Variants in TXNDC5 observed in about 807,000 individuals in gnomAD.
The protein encoded by TXNDC5 is thioredoxin domain-containing protein 5.
Under a neutral mutation model 52.6 loss-of-function variants are expected in TXNDC5, and 44 were observed. That is an observed-to-expected ratio of 0.84 (90% CI 0.66 to 1.08). The LOEUF is 1.08. Among genes scored for constraint, TXNDC5 ranks in the 50% least tolerant of loss-of-function variants. The probability of loss-of-function intolerance (pLI) is 0.00; values close to 1 mark genes in which losing one functional copy is unlikely to be tolerated. For synonymous variants in TXNDC5, 241 were observed against 234.4 expected (o/e 1.03, Z -0.26); for missense variants, 600 against 565.5 (o/e 1.06, Z -0.62).
At chr6:7,890,965 G>A (rs1029719850) in intron 5 of TXNDC5, among the ~76,000 whole-genome samples, 7 of 152,296 alleles carry the variant, frequency 4.6e-5, no homozygotes, top group Admixed American at 1.3e-4. Context: ...TCCTAGACAC[G>A]CAGCATTACT....
intron 3 of TXNDC5, among the ~76,000 whole-genome samples, chr6:7,899,167 C>T (rs546659867): frequency 1.3e-5 from 2 of 152,262 alleles, no homozygotes; most frequent in South Asian, 2.1e-4. Flanking sequence ...TGCTGGGGTA[C>T]AGTTGTGAAC....
At position 7,883,290 on chromosome 6, in the gene TXNDC5, T is replaced by C. The variant is rs751348216; in HGVS notation, c.1177-24A>G. 12 of 1,613,214 alleles carry C rather than the reference T, an allele frequency of 7.4e-6. No individual in the cohort carries two copies. The African/African-American group carries it at 8.0e-5, about 11-fold the overall frequency. Reference sequence around the variant, plus strand: ...ACCTTAAAACAAAAAAGAAAAAAGTTTGCAAACCAGCGGTCCAGATCACAT... The same window carrying C: ...ACCTTAAAACAAAAAAGAAAAAAGTCTGCAAACCAGCGGTCCAGATCACAT... On this transcript the variant is annotated intron_variant, in intron 9 of 9. Coordinates refer to ENST00000379757, the MANE Select transcript of TXNDC5 (RefSeq NM_030810.5).
At chr6:7,899,993 T>C in intron 2 of TXNDC5, 1 of 184,994 alleles carries the variant, frequency 5.4e-6, no homozygotes, top group East Asian at 1.5e-4. Flanking sequence ...CCTCGGGCCT[T>C]CCCTGCAAGC....
intron 1 of TXNDC5, chr6:7,910,137 C>A: frequency 1.0e-6 from 1 of 987,778 alleles, no homozygotes; most frequent in African/African-American, 1.7e-5. Context: ...GCCCCCTCCT[C>A]CCGCACCGCC....
chr6:7,907,714 C>T (rs1303410807), intron 1 of TXNDC5, among the ~76,000 whole-genome samples: 1 of 152,184 alleles, frequency 6.6e-6, no homozygotes, highest in African/African-American at 2.4e-5. Flanking sequence ...GGACCTCCTT[C>T]CCTCTCCTGC....
intron 2 of TXNDC5, among the ~76,000 whole-genome samples, chr6:7,902,136 C>T (rs137897840): frequency 1.1e-4 from 16 of 152,230 alleles, no homozygotes; most frequent in East Asian, 9.7e-4. Flanking sequence ...GGAGCCAGGA[C>T]GAGGCAAGGG....
chr6:7,909,469 A>G (rs1250614181), intron 1 of TXNDC5, among the ~76,000 whole-genome samples: 1 of 152,212 alleles, frequency 6.6e-6, no homozygotes, highest in Non-Finnish European at 1.5e-5. Context: ...CTTCCGTGGG[A>G]TGAGTGCCAG....
chr6:7,885,206 G>T (rs1198109616), intron 8 of TXNDC5, among the ~76,000 whole-genome samples: 1 of 152,200 alleles, frequency 6.6e-6, no homozygotes. Flanking sequence ...CATGTGGAGT[G>T]TAACAAACAA....
At chr6:7,897,783 A>T (rs1760423256) in intron 3 of TXNDC5, among the ~76,000 whole-genome samples, 1 of 152,172 alleles carries the variant, frequency 6.6e-6, no homozygotes, top group Non-Finnish European at 1.5e-5. Flanking sequence ...ATCATAGAAG[A>T]CTGGCTTTTT....
At position 7,889,571 on chromosome 6, in the gene TXNDC5, G is replaced by A; in HGVS notation, c.743C>T (p.Thr248Ile). 2 of 1,610,408 alleles carry A rather than the reference G, an allele frequency of 1.2e-6. No homozygotes were observed. The highest frequency in any genetic ancestry group is 8.5e-7 in the Non-Finnish European group (1 of 1,176,826). ...ETVKIGKVDC[T>I]QHYELCSGNQ... The stretch of plus-strand genomic sequence containing the variant: ...TCCGGAGCAGAGTTCATAGTGCTGT[G>A]TACAATCAACCTGAGAATAAAAGCA... Residue 248 changes from threonine (T) to isoleucine (I), a missense_variant, in exon 6 of 10, where the codon ACA (threonine) becomes ATA (isoleucine). By Grantham distance (89) the Thr-to-Ile change is moderately conservative (BLOSUM62 -1). Transcript: ENST00000379757.
intron 4 of TXNDC5, among the ~76,000 whole-genome samples, chr6:7,893,645 G>A (rs897876743): frequency 9.2e-5 from 14 of 152,238 alleles, no homozygotes; most frequent in Non-Finnish European, 1.6e-4. Context: ...TTCCCGTAGC[G>A]GAAAGCATGC....
At position 7,883,003 on chromosome 6, in the gene TXNDC5, A is replaced by G; in HGVS notation, c.*141T>C. The G allele has an allele frequency of 8.9e-7, 1 of 1,127,534 alleles. No individual in the cohort carries two copies. The highest frequency in any genetic ancestry group is 1.2e-6 in the Non-Finnish European group (1 of 803,238). 69.8% of individuals were successfully genotyped at this position (1,127,534 alleles called of 1,614,324 possible). A position where few individuals can be genotyped will look rare whatever the true frequency, so the allele number is the denominator to read the frequency against. ...TAGAGTGTGTTGGCTTGGAAAACAC[A>G]CACACAAAGAAGATACCTCACGCTT... On this transcript the variant is annotated 3_prime_UTR_variant, in exon 10 of 10. Coordinates refer to ENST00000379757, the MANE Select transcript of TXNDC5 (RefSeq NM_030810.5).
rs1326745189 is a variant in TXNDC5 at position 7,899,521 on chromosome 6, T to TAGGCAGGGAGAGAGGGAGGG, written c.519+35_519+54dup. 1.0e-5 allele frequency: 12 copies of TAGGCAGGGAGAGAGGGAGGG among 1,171,160 alleles called. No individual in the cohort carries two copies. The Admixed American group carries it at 2.8e-4, about 28-fold the overall frequency. 72.5% of individuals were successfully genotyped at this position (1,171,160 alleles called of 1,614,324 possible). On this transcript the variant is annotated intron_variant, in intron 3 of 9. Transcript: ENST00000379757. ...CCCGTTACATATTACCCCAAAGATG[T>TAGGCAGGGAGAGAGGGAGGG]AGGCAGGGAGAGAGGGAGGGAGGGA...
At chr6:7,904,452 C>A in intron 2 of TXNDC5, 122 bp downstream of exon 2, 1 of 1,300,978 alleles carries the variant, frequency 7.7e-7, no homozygotes, top group South Asian at 1.5e-5. Flanking sequence ...CAGTTTCTCC[C>A]TAATGACAGG....
At chr6:7,907,552 T>C (rs56213866) in intron 1 of TXNDC5, among the ~76,000 whole-genome samples, 17,095 of 152,132 alleles carry the variant, frequency 0.11, 1,181 homozygotes, top group African/African-American at 0.2. Flanking sequence ...AATACACAGA[T>C]TGATGTTTTT....
Position 7,895,175 on chromosome 6 carries a change from T to C in TXNDC5, c.547A>G (p.Ser183Gly), listed in dbSNP as rs369648581. The change falls in exon 4 of 10, where the codon AGT becomes GGT. Residue 183 changes from serine (S) to glycine (G), a missense_variant. Transcript: ENST00000379757. ...AGCCCTTGCTTGAGCTCGGGGGCAC[T>C]GGGCGGTTCCACTTCCGGCTCTGGT... ...VTPEPEVEPP[S>G]APELKQGLYE... 2.0e-4 allele frequency: 328 copies of C among 1,613,436 alleles called. No homozygotes were observed. Among genetic ancestry groups the C allele is most frequent in the Non-Finnish European group, 2.7e-4 (314 of 1,179,800 alleles).
At chr6:7,889,353 T>C in intron 6 of TXNDC5, 142 bp downstream of exon 6, 1 of 650,772 alleles carries the variant, frequency 1.5e-6, no homozygotes, top group Non-Finnish European at 2.6e-6. Context: ...AGAAAGACGT[T>C]TGTTTCATTA....
intron 2 of TXNDC5, among the ~76,000 whole-genome samples, chr6:7,903,793 CT>C (rs1354694060): frequency 6.6e-6 from 1 of 152,226 alleles, no homozygotes; most frequent in Non-Finnish European, 1.5e-5. Context: ...TTTTGAAGAA[CT>C]GCTTTTCCCT....
intron 4 of TXNDC5, among the ~76,000 whole-genome samples, chr6:7,893,569 TC>T (rs1561810063): frequency 6.6e-6 from 1 of 152,186 alleles, no homozygotes; most frequent in East Asian, 1.9e-4. Flanking sequence ...CCGGAGTCGG[TC>T]CGTAACAGGT....
Sources: allele counts gnomAD v4.1 joint callset (sites outside exome capture counted in the v4.1 genomes callset), GRCh38; gene constraint gnomAD v4.1.1; transcripts MANE v1.5; gene names NCBI Gene and HGNC (gene_info 2026-07-23, HGNC 2026-07-21).